Variants in LPIN1 observed in about 807,000 individuals in gnomAD.
LPIN1 encodes lipin 1.
Under a neutral mutation model 107.5 loss-of-function variants are expected in LPIN1, and 71 were observed. The observed-to-expected ratio is 0.66, with a 90% confidence interval of 0.55 to 0.80. LPIN1 has a LOEUF of 0.80. LPIN1 is among the 30% of genes least tolerant of loss of function. The probability of loss-of-function intolerance (pLI) is 0.00; values close to 1 mark genes in which losing one functional copy is unlikely to be tolerated. For synonymous variants in LPIN1, 445 were observed against 452.6 expected (o/e 0.98, Z 0.21); for missense variants, 1,043 against 1,160.6 (o/e 0.90, Z 1.47).
intron 1 of LPIN1, among the ~76,000 whole-genome samples, chr2:11,764,797 T>C (rs1215910054): frequency 1.3e-5 from 2 of 152,232 alleles, no homozygotes; most frequent in Non-Finnish European, 2.9e-5. Context: ...ATAGTCTCTT[T>C]CCTCTACAGT....
intron 1 of LPIN1, among the ~76,000 whole-genome samples, chr2:11,679,216 G>T (rs971170083): frequency 6.6e-6 from 1 of 152,184 alleles, no homozygotes; most frequent in East Asian, 1.9e-4. Flanking sequence ...AGAAAACTGA[G>T]GCTATGAAGT....
upstream of LPIN1, among the ~76,000 whole-genome samples, chr2:11,720,900 G>T (rs886356565): frequency 1.3e-5 from 2 of 151,938 alleles, no homozygotes; most frequent in South Asian, 2.1e-4. Flanking sequence ...AGCAAGGTGC[G>T]AGAGAAGAGA....
intron 1 of LPIN1, among the ~76,000 whole-genome samples, chr2:11,708,485 A>G (rs1663237955): frequency 6.6e-6 from 1 of 151,986 alleles, no homozygotes; most frequent in Non-Finnish European, 1.5e-5. Context: ...ATGGGAGAGG[A>G]GCTGAGGCAA....
rs1291164478 is a variant in LPIN1 at position 11,765,842 on chromosome 2, C to T, written c.192+109C>T. On this transcript the variant is annotated intron_variant, in intron 2 of 20. Coordinates refer to ENST00000674199, the MANE Select transcript of LPIN1 (RefSeq NM_001349206.2). The surrounding 1 kb of genome is among the most constrained non-coding windows in gnomAD (Gnocchi z 4.4). ...TCTCAGACCCAGAGTTTTAGGTCTT[C>T]GTTGGAAATGGCCAGTCACGGAACT... 17 of 931,068 alleles carry T rather than the reference C, an allele frequency of 1.8e-5. No homozygotes were observed. Among genetic ancestry groups the T allele is most frequent in the Non-Finnish European group, 2.7e-5 (17 of 624,548 alleles). 57.7% of individuals were successfully genotyped at this position (931,068 alleles called of 1,614,324 possible). A position where few individuals can be genotyped will look rare whatever the true frequency, so the allele number is the denominator to read the frequency against.
At chr2:11,802,582 A>G (rs1342283333) in intron 14 of LPIN1, among the ~76,000 whole-genome samples, 2 of 152,164 alleles carry the variant, frequency 1.3e-5, no homozygotes, top group Non-Finnish European at 2.9e-5. Context: ...AGAGAGACAG[A>G]GAAGACAGCA....
At chr2:11,749,123 G>A (rs1025474739) in intron 1 of LPIN1, among the ~76,000 whole-genome samples, 8 of 152,176 alleles carry the variant, frequency 5.3e-5, no homozygotes, top group Non-Finnish European at 8.8e-5. Context: ...AAACTGGAAC[G>A]GGGTGTGTGG....
At chr2:11,768,890 C>T (rs576302887) in intron 3 of LPIN1, among the ~76,000 whole-genome samples, 7 of 152,102 alleles carry the variant, frequency 4.6e-5, no homozygotes, top group East Asian at 1.9e-4. Context: ...GAGCCGAGAT[C>T]GCGCCACTGC....
intron 13 of LPIN1, among the ~76,000 whole-genome samples, chr2:11,792,887 TCTC>T (rs1001610510): frequency 2.0e-5 from 3 of 152,206 alleles, no homozygotes; most frequent in Admixed American, 2.0e-4. Flanking sequence ...TCCACCTGGG[TCTC>T]CTCCTCCCAG....
intron 1 of LPIN1, among the ~76,000 whole-genome samples, chr2:11,693,864 T>C (rs1662438982): frequency 8.2e-6 from 1 of 121,798 alleles, no homozygotes; most frequent in South Asian, 3.2e-4. Flanking sequence ...AGATGGAGTC[T>C]CGCTCAGTTG....
At chr2:11,711,894 C>T (rs1663436545) in intron 1 of LPIN1, among the ~76,000 whole-genome samples, 1 of 152,260 alleles carries the variant, frequency 6.6e-6, no homozygotes, top group African/African-American at 2.4e-5. Flanking sequence ...ACTGCTCTCA[C>T]ACTGCTCTGA....
At chr2:11,824,017 C>A (rs1427640769) in intron 20 of LPIN1, among the ~76,000 whole-genome samples, 1 of 152,054 alleles carries the variant, frequency 6.6e-6, no homozygotes, top group Non-Finnish European at 1.5e-5. Context: ...CATTTGAGCA[C>A]CCAGTATACA....
intron 1 of LPIN1, among the ~76,000 whole-genome samples, chr2:11,748,840 G>A (rs781657869): frequency 2.0e-5 from 3 of 152,212 alleles, no homozygotes; most frequent in Non-Finnish European, 4.4e-5. Flanking sequence ...GCTGTTGCAC[G>A]GATGTCGGCA....
In LPIN1 at chr2:11,803,259, C is replaced by T. The variant is rs961079974; in HGVS notation, c.2013+226C>T. 2.6e-5 allele frequency among the ~76,000 whole-genome samples: 4 copies of T among 152,162 alleles called. No individual in the cohort carries two copies. Among genetic ancestry groups the T allele is most frequent in the Non-Finnish European group, 5.9e-5 (4 of 68,030 alleles). ...TTGTCTTCTCCTTTTGCTGGCCTGG[C>T]CCTGGAGGATCTAGTTTACTAGAGT... On this transcript the variant is annotated intron_variant, in intron 15 of 20. Transcript: ENST00000674199. The surrounding 1 kb of genome is among the most constrained non-coding windows in gnomAD (Gnocchi z 4.2).
At chr2:11,701,660 G>A (rs752194582) in intron 1 of LPIN1, among the ~76,000 whole-genome samples, 3 of 152,034 alleles carry the variant, frequency 2.0e-5, no homozygotes, top group East Asian at 3.8e-4. Context: ...TAATCCTCAC[G>A]ACAACAGTAC....
intron 1 of LPIN1, among the ~76,000 whole-genome samples, chr2:11,733,802 C>A (rs1175399647): frequency 6.6e-6 from 1 of 152,094 alleles, no homozygotes; most frequent in Non-Finnish European, 1.5e-5. Context: ...ACTGTGCTTT[C>A]TTTCCAAGGA....
rs1235416910 is a variant in LPIN1, at chr2:11,732,907, CTCTCTG to C, written c.-72+8370_-72+8375del. ...TCTCTCTCTCTTTCTCTCTCTCTCTCTCTCTGTGTGTGTGTGTGTGTGTGTGTTTGT... is the reference window on the plus strand; with the variant it reads ...TCTCTCTCTCTTTCTCTCTCTCTCTCTGTGTGTGTGTGTGTGTGTGTTTGT... On this transcript the variant is annotated intron_variant, in intron 1 of 21. Coordinates refer to the LPIN1 transcript ENST00000396097. Among the ~76,000 whole-genome samples, 5 of 150,640 alleles carry C rather than the reference CTCTCTG, an allele frequency of 3.3e-5. No homozygotes were observed. In the South Asian group the frequency reaches 6.3e-4, roughly 19 times the overall value.
intron 2 of LPIN1, among the ~76,000 whole-genome samples, chr2:11,714,129 G>C (rs1048864948): frequency 2.6e-5 from 4 of 152,228 alleles, no homozygotes; most frequent in Non-Finnish European, 5.9e-5. Flanking sequence ...AAGAGGAAGA[G>C]GTCTGCATTC....
At chr2:11,703,539 A>G (rs1354762190) in intron 1 of LPIN1, among the ~76,000 whole-genome samples, 1 of 152,224 alleles carries the variant, frequency 6.6e-6, no homozygotes, top group Non-Finnish European at 1.5e-5. Flanking sequence ...CAATAGGATT[A>G]GATTTTATAC....
upstream of LPIN1, chr2:11,721,484 G>A (rs1664143470): frequency 6.6e-6 from 1 of 152,190 alleles, no homozygotes; most frequent in Admixed American, 6.5e-5. Flanking sequence ...AAGGGACAGA[G>A]AACTAACCAG....
Sources: allele counts gnomAD v4.1 joint callset (sites outside exome capture counted in the v4.1 genomes callset), GRCh38; gene constraint gnomAD v4.1.1; non-coding constraint Gnocchi (gnomAD v3.1); transcripts MANE v1.5; gene names NCBI Gene and HGNC (gene_info 2026-07-23, HGNC 2026-07-21).